Variants in DYM observed in about 807,000 individuals in gnomAD.
The protein encoded by DYM is dymeclin.
DYM carries 78 observed loss-of-function variants against 93.1 expected under a neutral mutation model. The ratio of observed to expected loss-of-function variants is 0.84; its 90% CI spans 0.70 to 1.01. The LOEUF (loss-of-function observed/expected upper bound fraction) is 1.01, where lower values mean the gene tolerates loss of function less well. Among genes scored for constraint, DYM ranks in the 50% least tolerant of loss-of-function variants. The probability of loss-of-function intolerance (pLI) is 0.00; values close to 1 mark genes in which losing one functional copy is unlikely to be tolerated. For missense variants in DYM, 789 were observed against 845.0 expected (o/e 0.93, Z 0.82); for synonymous variants, 321 against 319.7 (o/e 1.00, Z -0.04).
Position 49,385,318 on chromosome 18 carries a change from C to G in DYM, c.194-5560G>C, listed in dbSNP as rs116491266. 4.9e-3 allele frequency among the ~76,000 whole-genome samples: 744 copies of G among 152,294 alleles called. 8 individuals are homozygous for G. The highest frequency in any genetic ancestry group is 0.017 in the African/African-American group (712 of 41,566). On this transcript the variant is annotated intron_variant, in intron 3 of 17. Transcript: ENST00000675505. ...CTGACTATCATAAAAAACAACTGAC[C>G]TGGCTCTCACCACATCATCCTAGTG...
At chr18:49,046,204 ACACACACCACAGACT>A (rs1164648139) in intron 17 of DYM, among the ~76,000 whole-genome samples, 1 of 151,080 alleles carries the variant, frequency 6.6e-6, no homozygotes, top group African/African-American at 2.4e-5. Context: ...ACACATAGAC[ACACACACCACAGACT>A]CACACACATA....
At chr18:49,092,157 A>C (rs2028966) in intron 17 of DYM, among the ~76,000 whole-genome samples, 12 of 152,354 alleles carry the variant, frequency 7.9e-5, no homozygotes, top group Middle Eastern at 3.4e-3. Flanking sequence ...GAGTTTGAAA[A>C]CCACTAATTA....
chr18:49,243,077 A>C (rs2094070168), intron 13 of DYM, among the ~76,000 whole-genome samples: 1 of 152,140 alleles, frequency 6.6e-6, no homozygotes, highest in Non-Finnish European at 1.5e-5. Context: ...CCTCCTCGCT[A>C]CTTTAAAAGA....
At chr18:49,060,628 G>GGGGGGAGAGAGGGGGAGA (rs1568356550) in intron 17 of DYM, among the ~76,000 whole-genome samples, 15 of 130,452 alleles carry the variant, frequency 1.1e-4, no homozygotes, top group African/African-American at 4.0e-4. Context: ...AGAGAAGGGA[G>GGGGGGAGAGAGGGGGAGA]GGGGGAGAGA....
chr18:49,232,201 A>G (rs2093715648), intron 13 of DYM, among the ~76,000 whole-genome samples: 1 of 151,854 alleles, frequency 6.6e-6, no homozygotes, highest in Non-Finnish European at 1.5e-5. Context: ...TGCTCCCCCC[A>G]CTTTCCATAT....
At position 49,295,013 on chromosome 18, in the gene DYM, G is replaced by T. The variant is rs138905933; in HGVS notation, c.764-8397C>A. On this transcript the variant is annotated intron_variant, in intron 8 of 17. Transcript: ENST00000675505. The stretch of plus-strand genomic sequence containing the variant: ...TAGACACGTAATGAGTTCCTGTTAG[G>T]GTCAGGTCCCATGCTAGGAACCAAA... Among the ~76,000 whole-genome samples, 209 of 152,130 alleles carry T rather than the reference G, an allele frequency of 1.4e-3. 1 individual carries two copies. Among genetic ancestry groups the T allele is most frequent in the African/African-American group, 4.8e-3 (200 of 41,500 alleles).
chr18:49,324,479 T>C (rs891477624), intron 8 of DYM, among the ~76,000 whole-genome samples: 4 of 152,226 alleles, frequency 2.6e-5, no homozygotes, highest in Non-Finnish European at 4.4e-5. Flanking sequence ...GAGAAATCTC[T>C]TGTGGGCAAT....
intron 14 of DYM, among the ~76,000 whole-genome samples, chr18:49,207,715 A>C (rs540958725): frequency 2.0e-4 from 30 of 152,294 alleles, no homozygotes; most frequent in Admixed American, 1.1e-3. Context: ...TGAGACTGCA[A>C]TATCAAGGCT....
rs964269662 is a variant in DYM, at chr18:49,102,532, C to T, written c.1912-5017G>A. Among the ~76,000 whole-genome samples, 28 of 152,114 alleles carry T rather than the reference C, an allele frequency of 1.8e-4. 1 individual carries two copies. The highest frequency in any genetic ancestry group is 3.7e-4 in the Non-Finnish European group (25 of 68,024). ...CTGCACCCACTAACTCGTCATTTAACATTAGGTATATCTCCAAATGCTATC... is the reference window on the plus strand; with the variant it reads ...CTGCACCCACTAACTCGTCATTTAATATTAGGTATATCTCCAAATGCTATC... On this transcript the variant is annotated intron_variant, in intron 16 of 17. Coordinates refer to ENST00000675505, the MANE Select transcript of DYM (RefSeq NM_001353214.3).
At chr18:49,324,749 T>A (rs1362746560) in intron 8 of DYM, among the ~76,000 whole-genome samples, 1 of 152,226 alleles carries the variant, frequency 6.6e-6, no homozygotes, top group African/African-American at 2.4e-5. Context: ...TTTCTTTCTT[T>A]CTATTTTAAC....
intron 3 of DYM, among the ~76,000 whole-genome samples, chr18:49,386,845 G>C (rs1425412671): frequency 2.6e-5 from 4 of 152,042 alleles, no homozygotes; most frequent in Non-Finnish European, 2.9e-5. Context: ...ACCTTGCAGT[G>C]AGCAAGTCTA....
chr18:49,378,424 A>C, intron 5 of DYM, 143 bp downstream of exon 5: 2 of 809,460 alleles, frequency 2.5e-6, no homozygotes, highest in South Asian at 3.7e-5. Context: ...ACACAGAAAA[A>C]GAAAAAATGA....
At chr18:49,441,759 C>A (rs1367462404) in intron 1 of DYM, among the ~76,000 whole-genome samples, 1 of 151,970 alleles carries the variant, frequency 6.6e-6, no homozygotes, top group Non-Finnish European at 1.5e-5. Flanking sequence ...GCAATTCACC[C>A]CATGGAGCCG....
At position 49,415,728 on chromosome 18, in the gene DYM, G is replaced by A. The variant is rs975433337; in HGVS notation, c.140+14527C>T. Among the ~76,000 whole-genome samples the A allele has an allele frequency of 3.3e-5, 5 of 152,082 alleles. No individual in the cohort carries two copies. The East Asian group carries it at 9.7e-4, about 29-fold the overall frequency. ...GGATTGCTTGAGGCCAGGAGTTCGA[G>A]ACCAGCCTGACCAACATGGTGAAAC... is the stretch of plus-strand genomic sequence containing the variant. On this transcript the variant is annotated intron_variant, in intron 2 of 17. Transcript: ENST00000675505.
intron 7 of DYM, among the ~76,000 whole-genome samples, chr18:49,333,389 G>A (rs965993422): frequency 6.6e-6 from 1 of 152,134 alleles, no homozygotes; most frequent in Non-Finnish European, 1.5e-5. Context: ...GCTGAGAAGA[G>A]GAAGATACAA....
chr18:49,349,963 A>T (rs932423204), intron 6 of DYM, among the ~76,000 whole-genome samples: 3 of 152,200 alleles, frequency 2.0e-5, no homozygotes, highest in Non-Finnish European at 4.4e-5. Context: ...AAAAAAATTT[A>T]AAAAAGGATC....
At chr18:49,441,031 A>AT (rs2081413244) in intron 1 of DYM, among the ~76,000 whole-genome samples, 1 of 8,178 alleles carries the variant, frequency 1.2e-4, no homozygotes, top group Non-Finnish European at 2.5e-4. Flanking sequence ...ATATTTATAT[A>AT]TAATATATAA....
At chr18:49,360,432 A>AC (rs1436845173) in intron 6 of DYM, among the ~76,000 whole-genome samples, 1 of 151,898 alleles carries the variant, frequency 6.6e-6, no homozygotes, top group Admixed American at 6.6e-5. Context: ...GACCAGCCTA[A>AC]CCAACATGGT....
At chr18:49,100,562 T>C (rs2080032470) in intron 16 of DYM, among the ~76,000 whole-genome samples, 1 of 152,220 alleles carries the variant, frequency 6.6e-6, no homozygotes, top group Non-Finnish European at 1.5e-5. Flanking sequence ...TTCTCATTTG[T>C]ATGTTTTAAA....
Sources: gnomAD v4.1 joint callset for allele counts (sites outside exome capture counted in the v4.1 genomes callset) on GRCh38, gnomAD v4.1.1 for gene constraint, MANE v1.5 for transcripts, NCBI Gene and HGNC (gene_info 2026-07-23, HGNC 2026-07-21) for gene names.